The following UBE2L6 variants were observed in gnomAD, a reference collection of about 807,000 sequenced individuals.
UBE2L6 encodes ubiquitin conjugating enzyme E2 L6, also known as ubiquitin/ISG15-conjugating enzyme E2 L6.
A neutral mutation model predicts 13.6 loss-of-function variants in UBE2L6; 11 were observed. That is an observed-to-expected ratio of 0.81 (90% CI 0.51 to 1.34). The LOEUF (loss-of-function observed/expected upper bound fraction) is 1.34, where lower values mean the gene tolerates loss of function less well. UBE2L6 is among the 40% of genes most tolerant of loss of function. The pLI is 0.00. For missense variants in UBE2L6, 197 were observed against 199.5 expected, an observed-to-expected ratio of 0.99 and a Z score of 0.07; for synonymous variants, 74 against 83.2, an observed-to-expected ratio of 0.89 and a Z score of 0.60.
intron 2 of UBE2L6, among the ~76,000 whole-genome samples, chr11:57,555,849 C>G (rs893139486): frequency 6.6e-5 from 10 of 152,260 alleles, no homozygotes; most frequent in Admixed American, 1.3e-4. Context: ...GGATTACGAG[C>G]GTGAGCCACC....
intron 3 of UBE2L6, among the ~76,000 whole-genome samples, chr11:57,553,927 C>T (rs936774625): frequency 1.3e-5 from 2 of 152,234 alleles, no homozygotes; most frequent in African/African-American, 4.8e-5. Flanking sequence ...TAGGCAACCA[C>T]TTCACCTCTC....
chr11:57,567,869 G>T (rs1054414756), upstream of UBE2L6: 1 of 422,294 alleles, frequency 2.4e-6, no homozygotes, highest in Admixed American at 4.6e-5. Flanking sequence ...CGGAGACGGG[G>T]GCGGGCCTCG....
Position 57,554,440 on chromosome 11 carries a change from G to A in UBE2L6, c.307C>T (p.Gln103Ter). The A allele has an allele frequency of 6.2e-7, 1 of 1,613,320 alleles. No individual in the cohort carries two copies. Among genetic ancestry groups the A allele is most frequent in the Non-Finnish European group, 8.5e-7 (1 of 1,179,478 alleles). ...ENWKPCTKTC[Q>*]VLEALNVLVN... ...TCCAAGCAAAGCCCAACCCCACCTTGGCAAGTCTTGGTGCAAGGCTTCCAG... is the reference window on the plus strand; with the variant it reads ...TCCAAGCAAAGCCCAACCCCACCTTAGCAAGTCTTGGTGCAAGGCTTCCAG... Residue 103 changes from glutamine (Q) to a stop codon, truncating the protein, a stop_gained, in exon 3 of 4, where the codon CAA (glutamine) becomes TAA (stop). Coordinates refer to ENST00000287156, the MANE Select transcript of UBE2L6 (RefSeq NM_004223.5). LOFTEE classifies it low-confidence loss of function (END_TRUNC).
intron 1 of UBE2L6, among the ~76,000 whole-genome samples, chr11:57,566,618 C>G (rs1451504758): frequency 6.6e-6 from 1 of 152,188 alleles, no homozygotes; most frequent in Non-Finnish European, 1.5e-5. Context: ...ATTTTGCTGC[C>G]AACCTCCAGA....
intron 1 of UBE2L6, among the ~76,000 whole-genome samples, chr11:57,566,051 A>AAG (rs1393991470): frequency 6.6e-5 from 10 of 151,754 alleles, no homozygotes; most frequent in African/African-American, 2.4e-4. Context: ...CCCTTCATTT[A>AAG]TCTTTACCCC....
chr11:57,553,144 A>AATTGTTCAATTCACAG (rs1565158160), intron 3 of UBE2L6, among the ~76,000 whole-genome samples: 1 of 152,210 alleles, frequency 6.6e-6, no homozygotes, highest in East Asian at 1.9e-4. Flanking sequence ...CAGGCTCTAG[A>AATTGTTCAATTCACAG]GCTGTGTTGT....
chr11:57,554,898 T>C (rs1252484367), intron 2 of UBE2L6, among the ~76,000 whole-genome samples: 4 of 126,244 alleles, frequency 3.2e-5, no homozygotes. Flanking sequence ...GTTTCCTCAT[T>C]TGAAAAGTGG....
chr11:57,558,891 T>C (rs914173143), intron 2 of UBE2L6, among the ~76,000 whole-genome samples: 1 of 152,238 alleles, frequency 6.6e-6, no homozygotes, highest in African/African-American at 2.4e-5. Flanking sequence ...CCTCCAGCTC[T>C]GGGATTCCTC....
rs749079783 is a variant in UBE2L6 at position 57,552,558 on chromosome 11, T to C, written c.311-49A>G. The C allele has an allele frequency of 4.4e-6, 7 of 1,608,310 alleles. No homozygotes were observed. The East Asian group carries it at 1.6e-4, about 36-fold the overall frequency. ...GGATATCAGGGCAGAGGGAAGGGAG[T>C]CATGGCTGCCCGTTCCCAATGTCCT... On this transcript the variant is annotated intron_variant, in intron 3 of 3. Coordinates refer to ENST00000287156, the MANE Select transcript of UBE2L6 (RefSeq NM_004223.5).
intron 1 of UBE2L6, among the ~76,000 whole-genome samples, chr11:57,561,014 C>T (rs1945041863): frequency 6.6e-6 from 1 of 152,072 alleles, no homozygotes; most frequent in Admixed American, 6.6e-5. Flanking sequence ...ATCACTTCTC[C>T]CAGATATTAA....
intron 3 of UBE2L6, 121 bp downstream of exon 3, chr11:57,554,316 A>G (rs1232331578): frequency 8.1e-7 from 1 of 1,230,752 alleles, no homozygotes; most frequent in Non-Finnish European, 1.1e-6. Flanking sequence ...AAGTTCAGCC[A>G]AGACTCACAA....
intron 2 of UBE2L6, among the ~76,000 whole-genome samples, chr11:57,555,703 A>G (rs1242685016): frequency 6.6e-6 from 1 of 152,138 alleles, no homozygotes; most frequent in Non-Finnish European, 1.5e-5. Flanking sequence ...CAGCCTCCTG[A>G]GTAGCTGGTA....
chr11:57,567,726 T>G, upstream of UBE2L6: 1 of 1,117,658 alleles, frequency 8.9e-7, no homozygotes, highest in South Asian at 1.5e-5. Flanking sequence ...CGCCCACCCC[T>G]CCTCCAGCCG....
intron 1 of UBE2L6, among the ~76,000 whole-genome samples, chr11:57,562,203 C>T (rs894876364): frequency 4.6e-5 from 7 of 152,152 alleles, no homozygotes; most frequent in Non-Finnish European, 8.8e-5. Flanking sequence ...CTCATAGACC[C>T]GTGGTGGTGG....
intron 2 of UBE2L6, among the ~76,000 whole-genome samples, chr11:57,559,015 G>A (rs552975741): frequency 6.6e-6 from 1 of 152,200 alleles, no homozygotes; most frequent in Non-Finnish European, 1.5e-5. Context: ...TGATTTCATA[G>A]TACTCTGCCA....
At chr11:57,557,692 C>T (rs1313896793) in intron 2 of UBE2L6, among the ~76,000 whole-genome samples, 1 of 152,016 alleles carries the variant, frequency 6.6e-6, no homozygotes, top group African/African-American at 2.4e-5. Flanking sequence ...CCATGCCCAG[C>T]GCCATGCTTC....
intron 2 of UBE2L6, among the ~76,000 whole-genome samples, 192 bp from the exon 3 acceptor site, chr11:57,554,815 G>A (rs1412947413): frequency 6.6e-6 from 1 of 152,234 alleles, no homozygotes; most frequent in East Asian, 1.9e-4. Flanking sequence ...GCACTGGCCT[G>A]GGAGGCAGAG....
upstream of UBE2L6, chr11:57,567,747 G>C (rs1945105587): frequency 3.7e-6 from 4 of 1,092,926 alleles, no homozygotes; most frequent in African/African-American, 4.9e-5. Flanking sequence ...TCGCTGCGTG[G>C]GCCTCCCCGC....
At chr11:57,565,356 GTTTT>G (rs370848897) in intron 1 of UBE2L6, among the ~76,000 whole-genome samples, 1 of 98,146 alleles carries the variant, frequency 1.0e-5, no homozygotes, top group Non-Finnish European at 2.0e-5. Flanking sequence ...TGTATTAGTT[GTTTT>G]TTTTTTTTTT....
Sources: gnomAD v4.1 joint callset for allele counts (sites outside exome capture counted in the v4.1 genomes callset) on GRCh38, gnomAD v4.1.1 for gene constraint, MANE v1.5 for transcripts, NCBI Gene and HGNC (gene_info 2026-07-23, HGNC 2026-07-21) for gene names.